The following MYRF variants were observed in gnomAD, a reference collection of about 807,000 sequenced individuals.
The protein encoded by MYRF is myelin gene regulatory factor.
A neutral mutation model predicts 126.3 loss-of-function variants in MYRF; 16 were observed. That is an observed-to-expected ratio of 0.13 (90% CI 0.09 to 0.19). The LOEUF is 0.19. Among genes scored for constraint, MYRF ranks in the 10% least tolerant of loss-of-function variants. MYRF has a pLI of 1.00. For missense variants in MYRF, 1,104 were observed against 1,547.0 expected (o/e 0.71, Z 4.80); for synonymous variants, 608 against 635.3 (o/e 0.96, Z 0.65).
At chr11:61,764,682 C>T (rs1343579201) in intron 1 of MYRF, among the ~76,000 whole-genome samples, 1 of 152,204 alleles carries the variant, frequency 6.6e-6, no homozygotes, top group African/African-American at 2.4e-5. Context: ...TATCACCCCG[C>T]CCTCTGGCTC....
intron 8 of MYRF, among the ~76,000 whole-genome samples, chr11:61,774,748 C>T (rs1464261359): frequency 6.6e-6 from 1 of 151,626 alleles, no homozygotes. Context: ...AAACGTTAGA[C>T]TCCTCAGCCT....
At chr11:61,769,487 C>T (rs1167270366) in intron 4 of MYRF, among the ~76,000 whole-genome samples, 166 bp downstream of exon 4, 2 of 152,166 alleles carry the variant, frequency 1.3e-5, no homozygotes, top group Non-Finnish European at 2.9e-5. Flanking sequence ...TCCCCACGGG[C>T]GGGTGGGGAG....
chr11:61,779,087 T>G, intron 14 of MYRF, 176 bp from the exon 15 acceptor site: 1 of 665,574 alleles, frequency 1.5e-6, no homozygotes, highest in East Asian at 2.7e-5. Flanking sequence ...ACAGGAGCTG[T>G]GGGAGCCGAG....
chr11:61,779,471 C>T, intron 15 of MYRF, 27 bp from the exon 16 acceptor site: 1 of 1,538,934 alleles, frequency 6.5e-7, no homozygotes, highest in Non-Finnish European at 8.8e-7. Context: ...CCCAGGGACA[C>T]CCCTGATCCT....
rs1388788313 is a variant in MYRF, at chr11:61,783,501, C to G, written c.3020C>G (p.Ser1007Cys). ...EPTWAQGQSA[S>C]LLAEPVPSLT... ...CACCTTACTCCTGCCCCAACAGCCTCTCTCCTTGCAGAGCCAGTGCCCTCC... is the reference window on the plus strand; with the variant it reads ...CACCTTACTCCTGCCCCAACAGCCTGTCTCCTTGCAGAGCCAGTGCCCTCC... Residue 1007 changes from serine to cysteine, a missense_variant, in exon 23 of 27, where the codon TCT becomes TGT. Ser to Cys is a moderately radical substitution (Grantham distance 112). This residue lies in a region of MYRF where 323 missense variants were observed against 383.1 expected (regional missense o/e 0.84). Transcript: ENST00000278836. This position sits in a 1 kb window ranked among gnomAD's most constrained non-coding sequence, Gnocchi z 4.6. The G allele has an allele frequency of 1.2e-6, 2 of 1,613,364 alleles. No homozygotes were observed. The highest frequency in any genetic ancestry group is 1.3e-5 in the African/African-American group (1 of 74,914).
chr11:61,781,729 ACAGTCC>A lies in MYRF; in HGVS notation c.2925_2930del (p.Pro976_Ser977del). 6.2e-7 allele frequency: 1 copy of A among 1,613,228 alleles called. No homozygotes were observed. The highest frequency in any genetic ancestry group is 1.6e-4 in the Middle Eastern group (1 of 6,062). ...CCTGGGGGGCAGGGCAAAGCCAAGA[ACAGTCC>A]CAGCCTTGGTTTCCATGGCCGGGCC... On this transcript the variant is annotated inframe_deletion, in exon 22 of 27. Coordinates refer to ENST00000278836, the MANE Select transcript of MYRF (RefSeq NM_001127392.3).
rs759834141 is a variant in MYRF at position 61,757,512 on chromosome 11, G to T, written c.46+4722G>T. The T allele has an allele frequency of 4.6e-5, 21 of 456,454 alleles. No homozygotes were observed. The highest frequency in any genetic ancestry group is 7.9e-5 in the Non-Finnish European group (18 of 226,930). The allele number at this position is 456,454 out of a possible 1,614,324, so 28.3% of individuals were successfully genotyped here. A position where few individuals can be genotyped will look rare whatever the true frequency, so the allele number is the denominator to read the frequency against. On this transcript the variant is annotated intron_variant, in intron 1 of 26. Transcript: ENST00000278836. This position sits in a 1 kb window ranked among gnomAD's most constrained non-coding sequence, Gnocchi z 4.7. The stretch of plus-strand genomic sequence containing the variant: ...ACCTTGAAGATTACTGGTCCCCAGG[G>T]TAGGTCAGTGCCCCTAAGCTTAGGG...
rs1284269701 is a variant in MYRF, at chr11:61,780,202, A to C, written c.2337-20A>C. 1 of 1,613,200 alleles carries C rather than the reference A, an allele frequency of 6.2e-7. No homozygotes were observed. Among genetic ancestry groups the C allele is most frequent in the Admixed American group, 1.7e-5 (1 of 59,946 alleles). ...GATGGTGGCTCCAGCTCTAACGGTC[A>C]CCCTTTTCTGTGGCTCCAGCGTGGT... On this transcript the variant is annotated intron_variant, in intron 17 of 26. Coordinates refer to ENST00000278836, the MANE Select transcript of MYRF (RefSeq NM_001127392.3).
Position 61,777,598 on chromosome 11 carries a change from G to C in MYRF, c.1791+134G>C. 7.4e-7 allele frequency: 1 copy of C among 1,347,814 alleles called. No homozygotes were observed. Among genetic ancestry groups the C allele is most frequent in the South Asian group, 1.4e-5 (1 of 72,764 alleles). The allele number at this position is 1,347,814 out of a possible 1,614,324, so 83.5% of individuals were successfully genotyped here. ...GAAGGAAGGGAGGGAGGCTGGCCTC[G>C]AATCCCGATCTAACCACTCCAGTGG... On this transcript the variant is annotated intron_variant, in intron 12 of 26. Transcript: ENST00000278836. The surrounding 1 kb of genome is among the most constrained non-coding windows in gnomAD (Gnocchi z 8.8).
chr11:61,785,866 G>A lies in MYRF; in HGVS notation c.3367G>A (p.Ala1123Thr), dbSNP rs1591137099. 1 of 1,614,136 alleles carries A rather than the reference G, an allele frequency of 6.2e-7. No homozygotes were observed. Among genetic ancestry groups the A allele is most frequent in the African/African-American group, 1.3e-5 (1 of 75,022 alleles). ...TGAATTCACCTACCACTTCCGGGTG[G>A]CACTGCTGGTGAGCAGGGGCATCCC... The part of the protein sequence containing the change: ...FREFTYHFRV[A>T]LLGQANCSSE... The change falls in exon 26 of 27, where the codon GCA (alanine) becomes ACA (threonine). Residue 1123 changes from alanine to threonine, a missense_variant. This residue lies in a region of MYRF where 94 missense variants were observed against 164.6 expected (regional missense o/e 0.57). Transcript: ENST00000278836.
chr11:61,778,985 G>T lies in MYRF; in HGVS notation c.2014-278G>T, dbSNP rs2066467139. The T allele has an allele frequency of 1.6e-5, 10 of 641,478 alleles. No individual in the cohort carries two copies. The Admixed American group carries it at 2.1e-4, about 13-fold the overall frequency. 39.7% of individuals were successfully genotyped at this position (641,478 alleles called of 1,614,324 possible). On this transcript the variant is annotated intron_variant, in intron 14 of 26. Transcript: ENST00000278836. The surrounding 1 kb of genome is among the most constrained non-coding windows in gnomAD (Gnocchi z 4.6). ...GCTGCAGCCTTCAGGCTTAGGAGAG[G>T]AGAGCTCTGGCAGGGAGTGGGGAGG... is the stretch of plus-strand genomic sequence containing the variant.
chr11:61,765,562 C>G, intron 1 of MYRF, 63 bp from the exon 2 acceptor site: 1 of 1,377,214 alleles, frequency 7.3e-7, no homozygotes, highest in Non-Finnish European at 1.0e-6. Context: ...AGGGCTGGGC[C>G]CTGAAGCCCA....
chr11:61,776,518 C>A lies in MYRF; in HGVS notation c.1499+86C>A. The A allele has an allele frequency of 8.8e-7, 1 of 1,130,958 alleles. No individual in the cohort carries two copies. The highest frequency in any genetic ancestry group is 1.3e-6 in the Non-Finnish European group (1 of 775,584). 70.1% of individuals were successfully genotyped at this position (1,130,958 alleles called of 1,614,324 possible). A position where few individuals can be genotyped will look rare whatever the true frequency, so the allele number is the denominator to read the frequency against. ...CTGGGTGGCACACCAGGCACAGAGT[C>A]CTACAGGCTGAGCCATTTCACAGAT... On this transcript the variant is annotated intron_variant, in intron 10 of 26. Transcript: ENST00000278836. The surrounding 1 kb of genome is among the most constrained non-coding windows in gnomAD (Gnocchi z 4.3).
intron 7 of MYRF, among the ~76,000 whole-genome samples, chr11:61,772,339 C>G (rs572011557): frequency 6.6e-6 from 1 of 152,140 alleles, no homozygotes; most frequent in Non-Finnish European, 1.5e-5. Context: ...GGGGAGGATC[C>G]GGTCAGAGGC....
rs375957459 is a variant in MYRF, at chr11:61,783,940, G to A, written c.3194+15G>A. 5.0e-6 allele frequency: 8 copies of A among 1,592,256 alleles called. No homozygotes were observed. The East Asian group carries it at 1.8e-4, about 36-fold the overall frequency. On this transcript the variant is annotated intron_variant, in intron 24 of 26. Transcript: ENST00000278836. This position sits in a 1 kb window ranked among gnomAD's most constrained non-coding sequence, Gnocchi z 4.6. ...CTGCAGATGAAGTGAGTGCCGGTGT[G>A]GGGAAGTGGGAGGCAGGAGGGGAGC... is the stretch of plus-strand genomic sequence containing the variant.
intron 2 of MYRF, 108 bp from the exon 3 acceptor site, chr11:61,765,850 G>A: frequency 1.4e-6 from 2 of 1,436,456 alleles, no homozygotes; most frequent in Non-Finnish European, 9.3e-7. Flanking sequence ...TCCCTTCCCA[G>A]CCACTGACTC....
intron 5 of MYRF, 78 bp from the exon 6 acceptor site, chr11:61,771,422 G>C: frequency 1.3e-6 from 2 of 1,540,002 alleles, no homozygotes; most frequent in Non-Finnish European, 1.8e-6. Flanking sequence ...GGCTAGAGAG[G>C]GGAGAGAGGT....
rs1260596459 is a variant in MYRF, at chr11:61,757,330, G to A, written c.46+4540G>A. 1.8e-5 allele frequency: 8 copies of A among 456,272 alleles called. No individual in the cohort carries two copies. The highest frequency in any genetic ancestry group is 6.0e-5 in the African/African-American group (3 of 50,056). 28.3% of individuals were successfully genotyped at this position (456,272 alleles called of 1,614,324 possible). On this transcript the variant is annotated intron_variant, in intron 1 of 26. Coordinates refer to ENST00000278836, the MANE Select transcript of MYRF (RefSeq NM_001127392.3). This position sits in a 1 kb window ranked among gnomAD's most constrained non-coding sequence, Gnocchi z 4.7. Reference sequence around the variant, plus strand: ...CTTACCCACAGTGCTTCTCTTGGCCGTATCAGGGCACCGCTGTGCCTCCGC... The same window carrying A: ...CTTACCCACAGTGCTTCTCTTGGCCATATCAGGGCACCGCTGTGCCTCCGC...
chr11:61,770,614 G>A (rs1158572196), intron 5 of MYRF, 89 bp downstream of exon 5: 2 of 1,339,472 alleles, frequency 1.5e-6, no homozygotes, highest in East Asian at 2.5e-5. Flanking sequence ...AGAGAGGGAG[G>A]TAGGGACCGG....
Sources: allele counts gnomAD v4.1 joint callset (sites outside exome capture counted in the v4.1 genomes callset), GRCh38; gene constraint gnomAD v4.1.1; regional missense constraint gnomAD v4.1.1; non-coding constraint Gnocchi (gnomAD v3.1); transcripts MANE v1.5; gene names NCBI Gene and HGNC (gene_info 2026-07-23, HGNC 2026-07-21).